Variants in RERE observed in about 807,000 individuals in gnomAD.
RERE encodes arginine-glutamic acid dipeptide repeats, also known as arginine-glutamic acid dipeptide repeats protein.
Under a neutral mutation model 146.1 loss-of-function variants are expected in RERE, and 40 were observed. The observed-to-expected ratio is 0.27, with a 90% CI of 0.21 to 0.36. The LOEUF is 0.36. RERE is among the 10% of genes least tolerant of loss of function. The pLI, the probability that RERE is intolerant of heterozygous loss-of-function variation, is 1.00. For missense variants in RERE, 1,933 were observed against 2,138.7 expected (o/e 0.90, Z 1.90); for synonymous variants, 1,003 against 866.0 (o/e 1.16, Z -2.78).
intron 1 of RERE, among the ~76,000 whole-genome samples, chr1:8,680,913 T>G (rs1401752049): frequency 6.6e-6 from 1 of 152,132 alleles, no homozygotes; most frequent in Non-Finnish European, 1.5e-5. Context: ...ACCACTAATA[T>G]GGGTCAATCT....
intron 10 of RERE, 102 bp from the exon 11 acceptor site, chr1:8,466,125 C>G: frequency 1.1e-6 from 1 of 950,928 alleles, no homozygotes; most frequent in South Asian, 1.7e-5. Flanking sequence ...ACAGAAGAGT[C>G]AGGAAAGGGG....
At chr1:8,484,938 T>C (rs1482675605) in intron 10 of RERE, among the ~76,000 whole-genome samples, 1 of 152,138 alleles carries the variant, frequency 6.6e-6, no homozygotes, top group Non-Finnish European at 1.5e-5. Flanking sequence ...TTAACATAAA[T>C]GAACAAACAA....
intron 7 of RERE, among the ~76,000 whole-genome samples, chr1:8,536,652 C>G (rs759223656): frequency 2.6e-5 from 4 of 152,162 alleles, no homozygotes; most frequent in Non-Finnish European, 4.4e-5. Context: ...TTCAAACAAA[C>G]AGAGAACACA....
intron 10 of RERE, among the ~76,000 whole-genome samples, chr1:8,488,281 T>C (rs1644930530): frequency 6.6e-6 from 1 of 152,210 alleles, no homozygotes; most frequent in African/African-American, 2.4e-5. Flanking sequence ...GTTTCACTCT[T>C]GTTGCCCAGG....
At chr1:8,388,512 G>A (rs1003118147) in intron 12 of RERE, among the ~76,000 whole-genome samples, 9 of 151,916 alleles carry the variant, frequency 5.9e-5, no homozygotes, top group Non-Finnish European at 2.9e-5. Context: ...GTAGAGACGG[G>A]GTTTCACCTT....
chr1:8,481,438 G>A (rs1018624186), intron 10 of RERE, among the ~76,000 whole-genome samples: 11 of 152,224 alleles, frequency 7.2e-5, no homozygotes, highest in Admixed American at 7.2e-4. Context: ...TTTCAAGAAG[G>A]CGCTATAAGG....
chr1:8,633,554 T>C lies in RERE; in HGVS notation c.326-9174A>G, dbSNP rs77384005. On this transcript the variant is annotated intron_variant, in intron 2 of 22. Coordinates refer to ENST00000400908, the MANE Select transcript of RERE (RefSeq NM_001042681.2). ...GATTTTTCTTCTTGAGTGATTACTC[T>C]TTCATGGAAGAGGAAACATCCACAC... Among the ~76,000 whole-genome samples the C allele has an allele frequency of 2.6e-5, 4 of 152,298 alleles. No homozygotes were observed. In the East Asian group the frequency reaches 7.7e-4, roughly 29 times the overall value.
chr1:8,395,811 A>G (rs1643035824), intron 12 of RERE, among the ~76,000 whole-genome samples: 1 of 152,198 alleles, frequency 6.6e-6, no homozygotes, highest in South Asian at 2.1e-4. Flanking sequence ...GTGGGGGCAC[A>G]GGAGGAAGTA....
At chr1:8,742,952 A>G (rs1181495676) in intron 1 of RERE, among the ~76,000 whole-genome samples, 1 of 152,000 alleles carries the variant, frequency 6.6e-6, no homozygotes, top group African/African-American at 2.4e-5. Context: ...CACAGTCTAA[A>G]GGGGGGAAAA....
chr1:8,437,611 C>T (rs975710635), intron 11 of RERE, among the ~76,000 whole-genome samples: 6 of 152,124 alleles, frequency 3.9e-5, no homozygotes, highest in Non-Finnish European at 5.9e-5. Flanking sequence ...GGAACAATAG[C>T]GCTCCCATGA....
At chr1:8,735,983 T>C (rs1640188500) in intron 1 of RERE, among the ~76,000 whole-genome samples, 1 of 152,218 alleles carries the variant, frequency 6.6e-6, no homozygotes, top group Non-Finnish European at 1.5e-5. Context: ...CTCTCCTATA[T>C]TGTTTGTAGC....
At chr1:8,725,145 T>TA (rs1333774063) in intron 1 of RERE, among the ~76,000 whole-genome samples, 1 of 152,212 alleles carries the variant, frequency 6.6e-6, no homozygotes, top group Admixed American at 6.5e-5. Flanking sequence ...TCAAAGGCAA[T>TA]ACATGATACT....
At chr1:8,394,166 G>A (rs998203699) in intron 12 of RERE, among the ~76,000 whole-genome samples, 2 of 152,192 alleles carry the variant, frequency 1.3e-5, no homozygotes, top group Non-Finnish European at 2.9e-5. Context: ...TTCTAATGCA[G>A]GTGGCTCTAA....
intron 1 of RERE, among the ~76,000 whole-genome samples, chr1:8,764,154 G>A (rs976994277): frequency 6.6e-6 from 1 of 152,048 alleles, no homozygotes; most frequent in African/African-American, 2.4e-5. Context: ...GCCTCCTCCA[G>A]GTCAAAGAAT....
chr1:8,452,957 C>A (rs1377470782), intron 11 of RERE, among the ~76,000 whole-genome samples: 2 of 152,134 alleles, frequency 1.3e-5, no homozygotes, highest in Admixed American at 1.3e-4. Flanking sequence ...AGTAGCATGG[C>A]GTGATGCTCA....
At chr1:8,537,293 G>A (rs952349340) in intron 7 of RERE, among the ~76,000 whole-genome samples, 7 of 152,156 alleles carry the variant, frequency 4.6e-5, no homozygotes, top group Non-Finnish European at 1.0e-4. Context: ...TCCTTAGGAT[G>A]AGAGGTTTAC....
intron 4 of RERE, among the ~76,000 whole-genome samples, chr1:8,604,021 G>A (rs151237170): frequency 1.3e-5 from 2 of 152,110 alleles, no homozygotes; most frequent in Non-Finnish European, 2.9e-5. Context: ...ACTAGTTACT[G>A]GAGTTGGGGA....
chr1:8,547,206 T>C (rs1032623289), intron 6 of RERE, among the ~76,000 whole-genome samples: 2 of 151,620 alleles, frequency 1.3e-5, no homozygotes, highest in African/African-American at 4.8e-5. Context: ...TGCTGACACA[T>C]AGACAATAGA....
At chr1:8,768,843 G>A (rs1447255820) in intron 1 of RERE, among the ~76,000 whole-genome samples, 1 of 152,116 alleles carries the variant, frequency 6.6e-6, no homozygotes, top group East Asian at 1.9e-4. Context: ...GAGGACAAAG[G>A]AAATCCATTT....
Sources: allele counts gnomAD v4.1 joint callset (sites outside exome capture counted in the v4.1 genomes callset), GRCh38; gene constraint gnomAD v4.1.1; transcripts MANE v1.5; gene names NCBI Gene and HGNC (gene_info 2026-07-23, HGNC 2026-07-21).